Variants in EIF4G3 observed in about 807,000 individuals in gnomAD.
EIF4G3 encodes eukaryotic translation initiation factor 4 gamma 3.
A neutral mutation model predicts 186.4 loss-of-function variants in EIF4G3; 34 were observed. The ratio of observed to expected loss-of-function variants is 0.18; its 90% CI spans 0.14 to 0.24. The LOEUF is 0.24. EIF4G3 is among the 10% of genes least tolerant of loss of function. The probability of loss-of-function intolerance (pLI) is 1.00; values close to 1 mark genes in which losing one functional copy is unlikely to be tolerated. For missense variants in EIF4G3, 1,536 were observed against 1,948.5 expected (o/e 0.79, Z 3.99); for synonymous variants, 673 against 679.5 (o/e 0.99, Z 0.15).
chr1:20,916,543 C>T (rs2093894977), intron 14 of EIF4G3, among the ~76,000 whole-genome samples: 1 of 151,836 alleles, frequency 6.6e-6, no homozygotes, highest in Non-Finnish European at 1.5e-5. Context: ...ATTCTGTCTA[C>T]AGTGTCAATG....
At chr1:21,075,793 A>G (rs1468030287) in intron 3 of EIF4G3, among the ~76,000 whole-genome samples, 1 of 152,070 alleles carries the variant, frequency 6.6e-6, no homozygotes, top group Non-Finnish European at 1.5e-5. Context: ...AATTATAAAT[A>G]CATATGCACG....
At chr1:20,910,122 G>A (rs1448947935) in intron 14 of EIF4G3, among the ~76,000 whole-genome samples, 1 of 152,026 alleles carries the variant, frequency 6.6e-6, no homozygotes, top group South Asian at 2.1e-4. Flanking sequence ...TTAAAAGCTC[G>A]TAATTAGTGC....
chr1:20,979,077 C>T (rs1275592148), intron 10 of EIF4G3, among the ~76,000 whole-genome samples: 2 of 152,144 alleles, frequency 1.3e-5, no homozygotes, highest in African/African-American at 4.8e-5. Context: ...TCAATGCTTA[C>T]TGAATCTCAA....
chr1:20,892,716 T>C lies in EIF4G3; in HGVS notation c.2253+801A>G. Reference sequence around the variant, plus strand: ...CAGAATTGGCAATCCATGCCTGCTCTGCACTTTGCAAATCTGTAGAAACAA... The same window carrying C: ...CAGAATTGGCAATCCATGCCTGCTCCGCACTTTGCAAATCTGTAGAAACAA... On this transcript the variant is annotated intron_variant, in intron 18 of 36. Coordinates refer to ENST00000602326, the MANE Select transcript of EIF4G3 (RefSeq NM_001391906.1). 6.5e-7 allele frequency: 1 copy of C among 1,534,700 alleles called. No individual in the cohort carries two copies. The highest frequency in any genetic ancestry group is 8.7e-7 in the Non-Finnish European group (1 of 1,146,292).
chr1:21,172,118 C>CAATAAAA, intron 2 of EIF4G3, among the ~76,000 whole-genome samples: 1 of 105,556 alleles, frequency 9.5e-6, no homozygotes, highest in Non-Finnish European at 2.0e-5. Context: ...CCTCCTCTAG[C>CAATAAAA]AAAAAAAAAA....
At chr1:20,989,724 A>G (rs1171334463) in intron 7 of EIF4G3, among the ~76,000 whole-genome samples, 4 of 152,152 alleles carry the variant, frequency 2.6e-5, no homozygotes, top group Non-Finnish European at 4.4e-5. Context: ...AGCTGTGAAC[A>G]TTGTTGAAAG....
At chr1:21,125,542 A>T (rs1309590517) in intron 2 of EIF4G3, among the ~76,000 whole-genome samples, 1 of 151,886 alleles carries the variant, frequency 6.6e-6, no homozygotes, top group Non-Finnish European at 1.5e-5. Flanking sequence ...AACACGGTGA[A>T]ACCCTGTCTC....
chr1:21,176,465 G>GGGGC (rs2098109957), intron 1 of EIF4G3, 107 bp from the exon 2 acceptor site: 1 of 188,158 alleles, frequency 5.3e-6, no homozygotes, highest in South Asian at 1.7e-4. Flanking sequence ...GGGCAGCGGG[G>GGGGC]GGGCGGGATG....
chr1:20,970,844 A>C (rs1238919408), intron 11 of EIF4G3, among the ~76,000 whole-genome samples: 1 of 151,024 alleles, frequency 6.6e-6, no homozygotes, highest in East Asian at 2.0e-4. Context: ...GGCGCCTGTA[A>C]TCCCAGCTAC....
chr1:21,166,890 T>A (rs956944777), intron 2 of EIF4G3, among the ~76,000 whole-genome samples: 1 of 151,936 alleles, frequency 6.6e-6, no homozygotes, highest in Non-Finnish European at 1.5e-5. Context: ...CAAGCAATCC[T>A]CCCACCTTAG....
At chr1:20,835,543 A>G (rs1036689026) in intron 30 of EIF4G3, among the ~76,000 whole-genome samples, 1 of 152,158 alleles carries the variant, frequency 6.6e-6, no homozygotes, top group African/African-American at 2.4e-5. Context: ...AGATATTACA[A>G]CTGATACCAC....
intron 4 of EIF4G3, among the ~76,000 whole-genome samples, chr1:21,009,113 C>T (rs1174036630): frequency 6.6e-6 from 1 of 152,296 alleles, no homozygotes; most frequent in East Asian, 1.9e-4. Flanking sequence ...TATACAAGTT[C>T]TTAATTTTGC....
rs186164351 is a variant in EIF4G3 at position 20,838,413 on chromosome 1, C to T, written c.4061+2443G>A. 1.2e-4 allele frequency among the ~76,000 whole-genome samples: 19 copies of T among 152,204 alleles called. No homozygotes were observed. The East Asian group carries it at 2.9e-3, about 23-fold the overall frequency. On this transcript the variant is annotated intron_variant, in intron 30 of 36. Coordinates refer to ENST00000602326, the MANE Select transcript of EIF4G3 (RefSeq NM_001391906.1). ...GTAACTATTTATAAATGGATATCCT[C>T]GTCACTCCAACAGTATTATTTCTAG...
At chr1:21,053,271 C>T (rs2094359049) in intron 3 of EIF4G3, among the ~76,000 whole-genome samples, 1 of 151,380 alleles carries the variant, frequency 6.6e-6, no homozygotes, top group Admixed American at 6.6e-5. Context: ...CTGGCAACCG[C>T]CCCGTCTGAG....
Position 20,840,952 on chromosome 1 carries a change from G to C in EIF4G3, c.3965C>G (p.Thr1322Ser). The C allele has an allele frequency of 6.2e-7, 1 of 1,614,100 alleles. No homozygotes were observed. The highest frequency in any genetic ancestry group is 8.5e-7 in the Non-Finnish European group (1 of 1,180,016). ...CCTGGTGATCTGGCTCCTTTCCAGG[G>C]TGGACTCCACTCCCACTCTCACAAA... ...HVFVRVGVES[T>S]LERSQITRDH... Residue 1322 changes from threonine to serine, a missense_variant, in exon 30 of 37, where the codon ACC (threonine) becomes AGC (serine). Thr to Ser is a moderately conservative substitution (Grantham distance 58). Coordinates refer to ENST00000602326, the MANE Select transcript of EIF4G3 (RefSeq NM_001391906.1).
At chr1:21,001,928 T>C (rs2083615045) in intron 5 of EIF4G3, among the ~76,000 whole-genome samples, 1 of 152,074 alleles carries the variant, frequency 6.6e-6, no homozygotes, top group Non-Finnish European at 1.5e-5. Context: ...CAAAAAGATA[T>C]CCCTGAATTC....
chr1:20,902,221 G>A (rs1010666526), intron 15 of EIF4G3, among the ~76,000 whole-genome samples: 35 of 151,906 alleles, frequency 2.3e-4, no homozygotes, highest in Admixed American at 2.0e-3. Flanking sequence ...ACACTACTAC[G>A]CCTGGCTAAT....
At chr1:20,901,907 G>A (rs1027213856) in intron 15 of EIF4G3, among the ~76,000 whole-genome samples, 12 of 152,120 alleles carry the variant, frequency 7.9e-5, no homozygotes, top group Non-Finnish European at 4.4e-5. Context: ...AGAACTCTGT[G>A]CTTAATGCAA....
intron 32 of EIF4G3, among the ~76,000 whole-genome samples, chr1:20,825,906 GAGGTACA>G (rs763641826): frequency 1.4e-4 from 21 of 152,302 alleles, no homozygotes; most frequent in Non-Finnish European, 2.9e-4. Flanking sequence ...AAAAAGTGAA[GAGGTACA>G]AGTCCTCTAC....
Sources: gnomAD v4.1 joint callset for allele counts (sites outside exome capture counted in the v4.1 genomes callset) on GRCh38, gnomAD v4.1.1 for gene constraint, MANE v1.5 for transcripts, NCBI Gene and HGNC (gene_info 2026-07-23, HGNC 2026-07-21) for gene names.